The following MARCHF11 variants were observed in gnomAD, a reference collection of about 807,000 sequenced individuals.
The protein encoded by MARCHF11 is E3 ubiquitin-protein ligase MARCHF11.
Under a neutral mutation model 37.3 loss-of-function variants are expected in MARCHF11, and 29 were observed. The ratio of observed to expected loss-of-function variants is 0.78; its 90% CI spans 0.58 to 1.06. The LOEUF (loss-of-function observed/expected upper bound fraction) is 1.06, where lower values mean the gene tolerates loss of function less well. Among genes scored for constraint, MARCHF11 ranks in the 50% least tolerant of loss-of-function variants. The pLI, the probability that MARCHF11 is intolerant of heterozygous loss-of-function variation, is 0.00. For synonymous variants in MARCHF11, 233 were observed against 228.0 expected, an observed-to-expected ratio of 1.02 and a Z score of -0.20; for missense variants, 482 against 533.4, an observed-to-expected ratio of 0.90 and a Z score of 0.95.
intron 2 of MARCHF11, among the ~76,000 whole-genome samples, chr5:16,172,068 G>C (rs1324664854): frequency 6.6e-6 from 1 of 152,162 alleles, no homozygotes; most frequent in African/African-American, 2.4e-5. Flanking sequence ...CAAATACCAT[G>C]GCACAATGCC....
At chr5:16,154,795 C>A (rs181553523) in intron 2 of MARCHF11, among the ~76,000 whole-genome samples, 8 of 151,758 alleles carry the variant, frequency 5.3e-5, no homozygotes, top group Non-Finnish European at 1.0e-4. Flanking sequence ...AACAACATAT[C>A]ATTTTTATGC....
At chr5:16,077,036 T>C (rs142908131) in intron 3 of MARCHF11, among the ~76,000 whole-genome samples, 130 of 152,308 alleles carry the variant, frequency 8.5e-4, no homozygotes, top group Middle Eastern at 3.4e-3. Flanking sequence ...GGATAGGATA[T>C]AGGAGGATTA....
At chr5:16,165,930 T>A (rs1263021084) in intron 2 of MARCHF11, among the ~76,000 whole-genome samples, 2 of 152,074 alleles carry the variant, frequency 1.3e-5, no homozygotes, top group Non-Finnish European at 2.9e-5. Context: ...ATAAATTATT[T>A]GGGAGGCGAG....
chr5:16,077,001 T>C (rs1028758780), intron 3 of MARCHF11, among the ~76,000 whole-genome samples: 1 of 152,220 alleles, frequency 6.6e-6, no homozygotes, highest in Non-Finnish European at 1.5e-5. Context: ...CTGGCCTTTA[T>C]CCTAAAGGGT....
intron 2 of MARCHF11, among the ~76,000 whole-genome samples, chr5:16,144,091 A>C (rs1212387943): frequency 6.6e-6 from 1 of 152,194 alleles, no homozygotes; most frequent in Non-Finnish European, 1.5e-5. Flanking sequence ...TAATGGACCC[A>C]TCTTTGAAAT....
At chr5:16,080,820 C>T (rs1345002102) in intron 3 of MARCHF11, among the ~76,000 whole-genome samples, 1 of 152,172 alleles carries the variant, frequency 6.6e-6, no homozygotes, top group East Asian at 1.9e-4. Flanking sequence ...CATCCCTACT[C>T]TCCTTTATGT....
chr5:16,110,258 C>T (rs1260225757), intron 2 of MARCHF11, among the ~76,000 whole-genome samples: 1 of 152,040 alleles, frequency 6.6e-6, no homozygotes, highest in Non-Finnish European at 1.5e-5. Flanking sequence ...TTTTAAAGGT[C>T]CCCTTTAAAT....
chr5:16,140,181 G>A (rs1560986842), intron 2 of MARCHF11, among the ~76,000 whole-genome samples: 1 of 151,952 alleles, frequency 6.6e-6, no homozygotes, highest in African/African-American at 2.4e-5. Flanking sequence ...AAAATTCACA[G>A]CCTAAACTAC....
At chr5:16,160,357 A>G (rs1187240846) in intron 2 of MARCHF11, among the ~76,000 whole-genome samples, 3 of 145,148 alleles carry the variant, frequency 2.1e-5, no homozygotes, top group South Asian at 2.1e-4. Context: ...TATATTAAAT[A>G]TTTAATATAT....
intron 2 of MARCHF11, among the ~76,000 whole-genome samples, chr5:16,121,346 A>C (rs1737306527): frequency 6.6e-6 from 1 of 152,192 alleles, no homozygotes; most frequent in Non-Finnish European, 1.5e-5. Flanking sequence ...TTAGACTGTA[A>C]GTCTCATGAG....
intron 3 of MARCHF11, among the ~76,000 whole-genome samples, chr5:16,089,100 A>T (rs1031664838): frequency 3.0e-5 from 4 of 133,650 alleles, no homozygotes; most frequent in East Asian, 3.9e-4. Context: ...TTCTGAAATT[A>T]AAAAAAAAAA....
intron 2 of MARCHF11, among the ~76,000 whole-genome samples, chr5:16,171,235 C>T (rs1346886227): frequency 6.6e-6 from 1 of 151,456 alleles, no homozygotes; most frequent in Non-Finnish European, 1.5e-5. Context: ...AGGTATATCT[C>T]CCAATGCTAT....
intron 2 of MARCHF11, among the ~76,000 whole-genome samples, chr5:16,143,191 A>G (rs953295688): frequency 2.6e-5 from 4 of 151,566 alleles, no homozygotes; most frequent in East Asian, 3.9e-4. Context: ...CTTGTATGTG[A>G]CCCCTCTGCT....
chr5:16,133,892 G>A (rs981948488), intron 2 of MARCHF11, among the ~76,000 whole-genome samples: 9 of 152,134 alleles, frequency 5.9e-5, no homozygotes, highest in South Asian at 2.1e-4. Flanking sequence ...TGTGGCCCGC[G>A]GGCCATAGCT....
At position 16,067,381 on chromosome 5, in the gene MARCHF11, T is replaced by G; in HGVS notation, c.*90A>C. The stretch of plus-strand genomic sequence containing the variant: ...ATAAATTTTAAAAAGTTCATAGATG[T>G]GTTTTTAGAAGTGCTATGGTTTTGC... On this transcript the variant is annotated 3_prime_UTR_variant, in exon 4 of 4. Transcript: ENST00000332432. 2 of 1,169,626 alleles carry G rather than the reference T, an allele frequency of 1.7e-6. No individual in the cohort carries two copies. The highest frequency in any genetic ancestry group is 3.1e-5 in the South Asian group (2 of 63,970). 72.5% of individuals were successfully genotyped at this position (1,169,626 alleles called of 1,614,324 possible).
At chr5:16,125,345 C>T (rs1419980381) in intron 2 of MARCHF11, among the ~76,000 whole-genome samples, 1 of 141,654 alleles carries the variant, frequency 7.1e-6, no homozygotes, top group Non-Finnish European at 1.6e-5. Context: ...ATGTCACTAT[C>T]CAGAACCGAG....
chr5:16,103,290 A>G (rs188762695), intron 2 of MARCHF11, among the ~76,000 whole-genome samples: 1 of 152,282 alleles, frequency 6.6e-6, no homozygotes, highest in East Asian at 1.9e-4. Flanking sequence ...GGCTAGGTGG[A>G]GAGACAGCAG....
At chr5:16,076,013 A>C (rs1419772028) in intron 3 of MARCHF11, among the ~76,000 whole-genome samples, 1 of 152,262 alleles carries the variant, frequency 6.6e-6, no homozygotes, top group Admixed American at 6.5e-5. Context: ...GGCTGTGCCC[A>C]GGCCTAAAAC....
intron 2 of MARCHF11, among the ~76,000 whole-genome samples, chr5:16,101,372 T>A (rs1736954993): frequency 6.6e-6 from 1 of 151,950 alleles, no homozygotes; most frequent in Non-Finnish European, 1.5e-5. Flanking sequence ...CGAGACTCCA[T>A]CTCAAAAAAA....
Sources: allele counts gnomAD v4.1 joint callset (sites outside exome capture counted in the v4.1 genomes callset), GRCh38; gene constraint gnomAD v4.1.1; transcripts MANE v1.5; gene names NCBI Gene and HGNC (gene_info 2026-07-23, HGNC 2026-07-21).